The following LIMD1 variants were observed in gnomAD, a reference collection of about 807,000 sequenced individuals.
LIMD1 encodes LIM domain containing 1.
A neutral mutation model predicts 58.4 loss-of-function variants in LIMD1; 23 were observed. The observed-to-expected ratio is 0.39, with a 90% CI of 0.28 to 0.56. LIMD1 has a LOEUF of 0.56. Ranked by LOEUF, LIMD1 falls within the 20% of genes least tolerant of loss-of-function variation. The pLI, the probability that LIMD1 is intolerant of heterozygous loss-of-function variation, is 0.57. For synonymous variants in LIMD1, 334 were observed against 345.5 expected (o/e 0.97, Z 0.37); for missense variants, 838 against 855.5 (o/e 0.98, Z 0.25).
intron 2 of LIMD1, among the ~76,000 whole-genome samples, chr3:45,665,133 C>T (rs114895290): frequency 1.3e-5 from 2 of 152,080 alleles, no homozygotes; most frequent in African/African-American, 4.8e-5. Flanking sequence ...CAAAAATATC[C>T]TTCCAACAAT....
chr3:45,659,433 C>T (rs1275659034), intron 2 of LIMD1, among the ~76,000 whole-genome samples: 2 of 152,050 alleles, frequency 1.3e-5, no homozygotes, highest in African/African-American at 2.4e-5. Context: ...CAAAAAAATA[C>T]AAAAATTAGG....
Position 45,672,722 on chromosome 3 carries a change from C to G in LIMD1, c.1674C>G (p.Pro558=). ...ILQALGKSYH[P]GCFRCVICNE... ...AAGCCCTGGGGAAGTCCTACCACCC[C>G]GGCTGTTTCCGCTGTGTCATCTGTA... Residue 558 remains proline (P), a synonymous_variant, in exon 5 of 8, where the codon CCC becomes CCG. Transcript: ENST00000273317. The G allele has an allele frequency of 6.2e-7, 1 of 1,614,008 alleles. No homozygotes were observed. Among genetic ancestry groups the G allele is most frequent in the Non-Finnish European group, 8.5e-7 (1 of 1,179,946 alleles).
intron 7 of LIMD1, among the ~76,000 whole-genome samples, chr3:45,675,455 G>T (rs1361754717): frequency 6.6e-6 from 1 of 152,162 alleles, no homozygotes; most frequent in African/African-American, 2.4e-5. Context: ...CTTGAACCTG[G>T]GAAGTGGAGG....
chr3:45,634,439 G>A (rs1701766804), intron 1 of LIMD1, among the ~76,000 whole-genome samples: 7 of 152,198 alleles, frequency 4.6e-5, no homozygotes, highest in Admixed American at 4.6e-4. Flanking sequence ...TGTTCACAGA[G>A]CCCATGTGAG....
rs76486149 is a variant in LIMD1 at position 45,670,094 on chromosome 3, C to T, written c.1641+1738C>T. The stretch of plus-strand genomic sequence containing the variant: ...GGAAACGTGGCCCTTCCCCCATGCT[C>T]GCAGTGGGAGGTAGGCAGAAGCTAC... On this transcript the variant is annotated intron_variant, in intron 4 of 7. Coordinates refer to ENST00000273317, the MANE Select transcript of LIMD1 (RefSeq NM_014240.3). Among the ~76,000 whole-genome samples, 31 of 152,264 alleles carry T rather than the reference C, an allele frequency of 2.0e-4. No homozygotes were observed. The East Asian group carries it at 5.2e-3, about 26-fold the overall frequency.
chr3:45,660,645 A>T (rs1697422605), intron 2 of LIMD1, among the ~76,000 whole-genome samples: 1 of 151,964 alleles, frequency 6.6e-6, no homozygotes, highest in Non-Finnish European at 1.5e-5. Context: ...CGAACTCGTG[A>T]TCTCAAGTGG....
intron 1 of LIMD1, among the ~76,000 whole-genome samples, chr3:45,622,386 T>C (rs981736709): frequency 1.3e-5 from 2 of 152,226 alleles, no homozygotes; most frequent in African/African-American, 4.8e-5. Flanking sequence ...TGGGTAGTAC[T>C]GAACCCTATA....
chr3:45,669,341 A>G lies in LIMD1; in HGVS notation c.1641+985A>G, dbSNP rs541104462. ...TTATATAACATACTTTAAGTTGGAA[A>G]CAGTTAAGTCCCTCTCTAAGCTGAC... On this transcript the variant is annotated intron_variant, in intron 4 of 7. Transcript: ENST00000273317. Among the ~76,000 whole-genome samples the G allele has an allele frequency of 2.5e-4, 38 of 152,350 alleles. No homozygotes were observed. In the South Asian group the frequency reaches 3.3e-3, roughly 13 times the overall value.
At chr3:45,675,265 C>T (rs1428219606) in intron 7 of LIMD1, among the ~76,000 whole-genome samples, 2 of 152,354 alleles carry the variant, frequency 1.3e-5, no homozygotes, top group Middle Eastern at 3.4e-3. Context: ...CGCGATAGCT[C>T]ACGCCTGTAA....
At chr3:45,644,344 C>A (rs1187877123) in intron 2 of LIMD1, among the ~76,000 whole-genome samples, 3 of 152,176 alleles carry the variant, frequency 2.0e-5, no homozygotes. Context: ...ATGACCTCGT[C>A]AACCCAGCCC....
intron 1 of LIMD1, among the ~76,000 whole-genome samples, chr3:45,622,843 T>G (rs1701639148): frequency 5.3e-5 from 8 of 152,092 alleles, no homozygotes; most frequent in Admixed American, 5.2e-4. Context: ...AATTTTTGTA[T>G]TTTTAGTAGA....
At chr3:45,633,898 C>G (rs74672668) in intron 1 of LIMD1, among the ~76,000 whole-genome samples, 144 of 152,212 alleles carry the variant, frequency 9.5e-4, no homozygotes, top group African/African-American at 3.2e-3. Flanking sequence ...GGCTTTCTAC[C>G]CTGTGGGCAG....
chr3:45,632,672 A>G, intron 1 of LIMD1: 4 of 384,182 alleles, frequency 1.0e-5, no homozygotes, highest in Non-Finnish European at 1.4e-5. Flanking sequence ...CTTATTCTGA[A>G]GGCACTTGCA....
rs1559510830 is a variant in LIMD1, at chr3:45,595,082, A to G, written c.203A>G (p.Glu68Gly). The part of the protein sequence containing the change: ...QQQQQQLLQE[E>G]TLPRGSRGPV... ...CAGCAGCAGCAGCTCCTGCAGGAGG[A>G]GACTCTGCCCAGGGGGAGTAGAGGC... The change falls in exon 1 of 8, where the codon GAG becomes GGG. Residue 68 changes from glutamate (E) to glycine (G), a missense_variant. Coordinates refer to ENST00000273317, the MANE Select transcript of LIMD1 (RefSeq NM_014240.3). 14 of 1,613,210 alleles carry G rather than the reference A, an allele frequency of 8.7e-6. No individual in the cohort carries two copies. The highest frequency in any genetic ancestry group is 1.7e-5 in the Admixed American group (1 of 59,974).
In LIMD1 at chr3:45,683,712, C is replaced by T. The variant is rs1195235928; in HGVS notation, c.*6653C>T. ...GGAAACCTCTAGAGGGTATTTAAAT[C>T]CCAGAAAATTCTGTAACCGGGTTCT... On this transcript the variant is annotated 3_prime_UTR_variant, in exon 8 of 8. Coordinates refer to ENST00000273317, the MANE Select transcript of LIMD1 (RefSeq NM_014240.3). 2 of 152,238 alleles carry T rather than the reference C, an allele frequency of 1.3e-5. No individual in the cohort carries two copies. The highest frequency in any genetic ancestry group is 2.9e-5 in the Non-Finnish European group (2 of 68,046). The allele number at this position is 152,238 out of a possible 1,614,324, so 9.4% of individuals were successfully genotyped here. A position where few individuals can be genotyped will look rare whatever the true frequency, so the allele number is the denominator to read the frequency against.
chr3:45,636,010 C>T (rs1701783850), intron 1 of LIMD1, 140 bp from the exon 2 acceptor site: 3 of 1,527,362 alleles, frequency 2.0e-6, no homozygotes, highest in Non-Finnish European at 2.6e-6. Flanking sequence ...GAGAAAGACA[C>T]TTCAAATGAG....
chr3:45,630,778 C>T (rs1190804953), intron 1 of LIMD1, among the ~76,000 whole-genome samples: 1 of 152,102 alleles, frequency 6.6e-6, no homozygotes, highest in East Asian at 1.9e-4. Context: ...CATAATGAGA[C>T]CTTTGAGTTG....
chr3:45,596,704 A>G (rs921344123), intron 1 of LIMD1, among the ~76,000 whole-genome samples: 1 of 152,046 alleles, frequency 6.6e-6, no homozygotes, highest in Admixed American at 6.5e-5. Flanking sequence ...TTGGTTGGGC[A>G]GATCTGGTTG....
In LIMD1 at chr3:45,602,817, T is replaced by C. The variant is rs138661898; in HGVS notation, c.1408+6530T>C. 3.1e-3 allele frequency among the ~76,000 whole-genome samples: 473 copies of C among 152,044 alleles called. 6 individuals carry two copies. Among genetic ancestry groups the C allele is most frequent in the African/African-American group, 0.011 (455 of 41,482 alleles). ...TCTGACAGTCTGTTGCACACTGAGC[T>C]GCTCCTCGTTTTCATGACTTTTTTT... On this transcript the variant is annotated intron_variant, in intron 1 of 7. Transcript: ENST00000273317.
Sources: allele counts gnomAD v4.1 joint callset (sites outside exome capture counted in the v4.1 genomes callset), GRCh38; gene constraint gnomAD v4.1.1; transcripts MANE v1.5; gene names NCBI Gene and HGNC (gene_info 2026-07-23, HGNC 2026-07-21).